The following STK38 variants were observed in gnomAD, a reference collection of about 807,000 sequenced individuals.
The protein encoded by STK38 is serine/threonine-protein kinase 38.
A neutral mutation model predicts 59.0 loss-of-function variants in STK38; 26 were observed. The ratio of observed to expected loss-of-function variants is 0.44; its 90% CI spans 0.32 to 0.61. The LOEUF (loss-of-function observed/expected upper bound fraction) is 0.61, where lower values mean the gene tolerates loss of function less well. STK38 is among the 20% of genes least tolerant of loss of function. The pLI, the probability that STK38 is intolerant of heterozygous loss-of-function variation, is 0.04. For missense variants in STK38, 433 were observed against 566.0 expected, an observed-to-expected ratio of 0.76 and a Z score of 2.38; for synonymous variants, 175 against 176.6, an observed-to-expected ratio of 0.99 and a Z score of 0.07.
At chr6:36,521,031 A>G (rs1379441579) in intron 5 of STK38, among the ~76,000 whole-genome samples, 1 of 152,212 alleles carries the variant, frequency 6.6e-6, no homozygotes, top group Non-Finnish European at 1.5e-5. Context: ...AACCAGCTAC[A>G]TTAAACTAGA....
At chr6:36,527,228 ATT>A (rs1554168840) in intron 2 of STK38, among the ~76,000 whole-genome samples, 1 of 143,346 alleles carries the variant, frequency 7.0e-6, no homozygotes, top group African/African-American at 2.6e-5. Context: ...ATATATATAT[ATT>A]TATATGTATA....
intron 2 of STK38, among the ~76,000 whole-genome samples, chr6:36,533,473 TTA>T (rs1260883655): frequency 6.6e-6 from 1 of 152,230 alleles, no homozygotes; most frequent in African/African-American, 2.4e-5. Context: ...TTGTTTATTT[TTA>T]TATAACCCTC....
At chr6:36,514,331 C>T (rs894178888) in intron 7 of STK38, among the ~76,000 whole-genome samples, 10 of 150,482 alleles carry the variant, frequency 6.6e-5, no homozygotes, top group African/African-American at 2.2e-4. Context: ...AAAACAACTT[C>T]AGGTTTTTCA....
At chr6:36,525,907 G>A (rs1227932148) in intron 2 of STK38, among the ~76,000 whole-genome samples, 4 of 152,104 alleles carry the variant, frequency 2.6e-5, no homozygotes, top group African/African-American at 7.2e-5. Flanking sequence ...AGGCTAGAAT[G>A]CAGTGGCGCA....
chr6:36,526,249 T>C (rs1293534831), intron 2 of STK38, among the ~76,000 whole-genome samples: 1 of 150,854 alleles, frequency 6.6e-6, no homozygotes, highest in East Asian at 1.9e-4. Context: ...TCCAGTTATT[T>C]CCTCCTTACC....
chr6:36,521,655 A>G (rs1777377979), intron 5 of STK38, 79 bp downstream of exon 5: 2 of 1,017,926 alleles, frequency 2.0e-6, no homozygotes, highest in Non-Finnish European at 2.8e-6. Context: ...ATAAAAATAT[A>G]TATTTCAATT....
chr6:36,532,845 G>A (rs1354877516), intron 2 of STK38, among the ~76,000 whole-genome samples: 1 of 152,050 alleles, frequency 6.6e-6, no homozygotes, highest in Non-Finnish European at 1.5e-5. Context: ...ACTGCAGTGA[G>A]CCGAGATTAT....
rs564965140 is a variant in STK38 at position 36,512,647 on chromosome 6, G to C, written c.669+2691C>G. On this transcript the variant is annotated intron_variant, in intron 7 of 13. Transcript: ENST00000229812. ...CAAAATGGTTATCTTTCAGTGATTA[G>C]ATTATAGGTAATCTTTCTTCTTTTT... 4.5e-4 allele frequency among the ~76,000 whole-genome samples: 68 copies of C among 152,172 alleles called. No individual in the cohort carries two copies. In the Middle Eastern group the frequency reaches 0.02, roughly 46 times the overall value.
chr6:36,530,013 C>T (rs1190445524), intron 2 of STK38, among the ~76,000 whole-genome samples: 1 of 152,038 alleles, frequency 6.6e-6, no homozygotes, highest in African/African-American at 2.4e-5. Context: ...GGCTGAGGCT[C>T]GCACACCGCC....
chr6:36,521,767 T>C lies in STK38; in HGVS notation c.357A>G (p.Ile119Met). 6.2e-7 allele frequency: 1 copy of C among 1,611,848 alleles called. No homozygotes were observed. The highest frequency in any genetic ancestry group is 8.5e-7 in the Non-Finnish European group (1 of 1,179,556). ...TTTCAAGCATATCTGCTTTACGGAG[T>C]ATTTTCATTGCATACACATGTCCCG... is the stretch of plus-strand genomic sequence containing the variant. ...KDTGHVYAMK[I>M]LRKADMLEKE... is the part of the protein sequence containing the mutation. The change falls in exon 5 of 14, where the codon ATA becomes ATG. Residue 119 changes from isoleucine (I) to methionine (M), a missense_variant. Physicochemically the swap from Ile to Met is conservative, Grantham distance 10. This residue lies in a region of STK38 where 293 missense variants were observed against 388.2 expected (regional missense o/e 0.75). Coordinates refer to ENST00000229812, the MANE Select transcript of STK38 (RefSeq NM_007271.4).
At chr6:36,523,265 G>GTT (rs1214353764) in intron 4 of STK38, among the ~76,000 whole-genome samples, 27 of 113,660 alleles carry the variant, frequency 2.4e-4, no homozygotes, top group Non-Finnish European at 3.0e-4. Flanking sequence ...CAGGTTTTTT[G>GTT]TTTTTTTTTT....
chr6:36,513,443 T>C (rs935334701), intron 7 of STK38, among the ~76,000 whole-genome samples: 1 of 151,596 alleles, frequency 6.6e-6, no homozygotes, highest in Non-Finnish European at 1.5e-5. Context: ...GCCTCTCAAG[T>C]AGGTGGGACT....
In STK38 at chr6:36,532,346, C is replaced by T. The variant is rs139312025; in HGVS notation, c.132-6704G>A. 5.0e-3 allele frequency among the ~76,000 whole-genome samples: 754 copies of T among 149,490 alleles called. 3 individuals are homozygous for T. The highest frequency in any genetic ancestry group is 0.017 in the African/African-American group (697 of 40,710). On this transcript the variant is annotated intron_variant, in intron 2 of 13. Coordinates refer to ENST00000229812, the MANE Select transcript of STK38 (RefSeq NM_007271.4). ...AAAAAAAAGGTTTTAAACCTTGTTT[C>T]TCACAATCCAACTTAGTTTACTTCT...
At chr6:36,520,210 T>C (rs1228029933) in intron 5 of STK38, among the ~76,000 whole-genome samples, 2 of 152,238 alleles carry the variant, frequency 1.3e-5, no homozygotes, top group East Asian at 3.8e-4. Context: ...CTAAACAATT[T>C]AAGTTAATGT....
intron 1 of STK38, among the ~76,000 whole-genome samples, chr6:36,541,647 C>G (rs147058641): frequency 2.0e-5 from 3 of 152,258 alleles, no homozygotes; most frequent in Non-Finnish European, 4.4e-5. Context: ...TGTTTCCACT[C>G]TAAGTCAACA....
chr6:36,509,940 T>A (rs9394356), intron 7 of STK38, among the ~76,000 whole-genome samples: 1 of 152,148 alleles, frequency 6.6e-6, no homozygotes. Context: ...AGGGTTTGTA[T>A]GGGTTTCAAA....
chr6:36,535,737 G>A (rs1213196862), intron 2 of STK38, among the ~76,000 whole-genome samples: 1 of 151,856 alleles, frequency 6.6e-6, no homozygotes, highest in African/African-American at 2.4e-5. Flanking sequence ...TTAGCTGGGT[G>A]TGGTGGCGTG....
chr6:36,529,539 G>C (rs1167405697), intron 2 of STK38, among the ~76,000 whole-genome samples: 1 of 152,108 alleles, frequency 6.6e-6, no homozygotes, highest in African/African-American at 2.4e-5. Context: ...GGAGAGAGAC[G>C]AAGCCACTTT....
In STK38 at chr6:36,515,409, T is replaced by C. The variant is rs370542304; in HGVS notation, c.598A>G (p.Ile200Val). Residue 200 changes from isoleucine (I) to valine (V), a missense_variant, in exon 7 of 14, where the codon ATA (isoleucine) becomes GTA (valine). This residue lies in a region of STK38 where 293 missense variants were observed against 388.2 expected (regional missense o/e 0.75). Coordinates refer to ENST00000229812, the MANE Select transcript of STK38 (RefSeq NM_007271.4). ...AATCCAAGTTGGTGAATAGAGTCTA[T>C]GGCTAATACTGTTTCTGCTATATAA... is the stretch of plus-strand genomic sequence containing the variant. Reference protein sequence around the residue: ...QFYIAETVLAIDSIHQLGFIH... With the variant: ...QFYIAETVLAVDSIHQLGFIH... 8 of 1,613,970 alleles carry C rather than the reference T, an allele frequency of 5.0e-6. No homozygotes were observed. Among genetic ancestry groups the C allele is most frequent in the African/African-American group, 2.7e-5 (2 of 74,872 alleles).
Sources: gnomAD v4.1 joint callset for allele counts (sites outside exome capture counted in the v4.1 genomes callset) on GRCh38, gnomAD v4.1.1 for gene constraint, gnomAD v4.1.1 regional missense constraint, MANE v1.5 for transcripts, NCBI Gene and HGNC (gene_info 2026-07-23, HGNC 2026-07-21) for gene names.